VPS37A: variants seen among roughly 807,000 people sequenced by gnomAD.
VPS37A encodes vacuolar protein sorting-associated protein 37A.
Under a neutral mutation model 49.8 loss-of-function variants are expected in VPS37A, and 30 were observed. The observed-to-expected ratio is 0.60, with a 90% confidence interval of 0.45 to 0.82. VPS37A has a LOEUF of 0.82. Among genes scored for constraint, VPS37A ranks in the 40% least tolerant of loss-of-function variants. The probability of loss-of-function intolerance (pLI) is 0.00; values close to 1 mark genes in which losing one functional copy is unlikely to be tolerated. For synonymous variants in VPS37A, 195 were observed against 160.6 expected (o/e 1.21, Z -1.62); for missense variants, 593 against 464.4 (o/e 1.28, Z -2.55).
downstream of VPS37A, among the ~76,000 whole-genome samples, chr8:17,306,175 A>G (rs747358368): frequency 6.6e-6 from 1 of 152,214 alleles, no homozygotes; most frequent in Non-Finnish European, 1.5e-5. Context: ...CGTTCACGTT[A>G]TAGTTACAAA....
At chr8:17,313,173 G>A in the VPS37A span, 4 of 628,736 alleles carry the variant, frequency 6.4e-6, no homozygotes, top group Admixed American at 8.4e-5. Context: ...CTACAAAGCT[G>A]GCTATCCAGT....
At chr8:17,309,331 A>G in the VPS37A span, 1 of 1,546,738 alleles carries the variant, frequency 6.5e-7, no homozygotes. Flanking sequence ...TAATACCTAC[A>G]CAAGAAAGAA....
At chr8:17,299,255 A>C (rs1208666882), downstream of VPS37A, 1 of 152,278 alleles carries the variant, frequency 6.6e-6, no homozygotes, top group Non-Finnish European at 1.5e-5. Context: ...CTCAGAGAAA[A>C]GCAACAAAAT....
chr8:17,254,662 A>T (rs1812274381), intron 1 of VPS37A, among the ~76,000 whole-genome samples: 1 of 150,920 alleles, frequency 6.6e-6, no homozygotes, highest in African/African-American at 2.4e-5. Flanking sequence ...CTCCTTTCTT[A>T]CATGTAATCC....
chr8:17,289,670 T>A (rs117747577), intron 11 of VPS37A, among the ~76,000 whole-genome samples: 12,239 of 152,262 alleles, frequency 0.08, 669 homozygotes, highest in South Asian at 0.19. Context: ...TCGCTGAGGA[T>A]TGTCTTGGAT....
At position 17,264,579 on chromosome 8, in the gene VPS37A, T is replaced by G. The variant is rs182677969; in HGVS notation, c.126-1328T>G. Among the ~76,000 whole-genome samples, 93 of 152,366 alleles carry G rather than the reference T, an allele frequency of 6.1e-4. 2 individuals carry two copies. Among genetic ancestry groups the G allele is most frequent in the African/African-American group, 2.1e-3 (87 of 41,588 alleles). ...TTCTGTAACTCCATCCCAACACTTT[T>G]GAATCTTTTAAGCTATCTTAAGATT... On this transcript the variant is annotated intron_variant, in intron 1 of 11. Transcript: ENST00000324849.
chr8:17,307,917 T>G, the VPS37A span, among the ~76,000 whole-genome samples: 118 of 151,772 alleles, frequency 7.8e-4, 1 homozygote, highest in Middle Eastern at 3.4e-3. Context: ...GGGATAGCAT[T>G]AGGAGATATA....
rs569160257 is a variant in VPS37A, at chr8:17,254,311, A to G, written c.125+6942A>G. On this transcript the variant is annotated intron_variant, in intron 1 of 11. Transcript: ENST00000324849. ...GGGAGTCAGTAGCTGTCATGGGGTT[A>G]GTAACTTCCTGAGGAGTCTCCGCTA... Among the ~76,000 whole-genome samples the G allele has an allele frequency of 1.2e-4, 19 of 152,268 alleles. 1 individual carries two copies. Among genetic ancestry groups the G allele is most frequent in the East Asian group, 1.2e-3 (6 of 5,176 alleles).
intron 11 of VPS37A, among the ~76,000 whole-genome samples, chr8:17,288,771 C>T (rs1238311051): frequency 2.0e-5 from 3 of 152,156 alleles, no homozygotes; most frequent in South Asian, 2.1e-4. Flanking sequence ...ATTTCTAGTT[C>T]TAGATCCTTG....
chr8:17,302,209 A>G (rs117739013), downstream of VPS37A: 4,465 of 1,614,098 alleles, frequency 2.8e-3, 13 homozygotes, highest in Non-Finnish European at 3.3e-3. Flanking sequence ...CTTCACTGCC[A>G]TTAGGTAATC....
At chr8:17,324,660 C>A in the VPS37A span, among the ~76,000 whole-genome samples, 1 of 152,218 alleles carries the variant, frequency 6.6e-6, no homozygotes, top group Non-Finnish European at 1.5e-5. Context: ...TGAAGCCTAA[C>A]AGGCTGCTGG....
Position 17,274,683 on chromosome 8 carries a change from A to G in VPS37A, c.417-50A>G, listed in dbSNP as rs778896805. 12 of 1,454,860 alleles carry G rather than the reference A, an allele frequency of 8.2e-6. No homozygotes were observed. The South Asian group carries it at 8.4e-5, about 10-fold the overall frequency. The allele number at this position is 1,454,860 out of a possible 1,614,324, so 90.1% of individuals were successfully genotyped here. A position where few individuals can be genotyped will look rare whatever the true frequency, so the allele number is the denominator to read the frequency against. ...TAGAACAATTTAGAAACAATTTGAC[A>G]TGTTTTATCCATAAAATCTAATGTA... On this transcript the variant is annotated intron_variant, in intron 4 of 11. Coordinates refer to ENST00000324849, the MANE Select transcript of VPS37A (RefSeq NM_152415.3).
rs1475222563 is a variant in VPS37A, at chr8:17,247,910, C to CAGT, written c.125+542_125+544dup. 11 of 626,004 alleles carry CAGT rather than the reference C, an allele frequency of 1.8e-5. No homozygotes were observed. The East Asian group carries it at 3.0e-4, about 17-fold the overall frequency. 38.8% of individuals were successfully genotyped at this position (626,004 alleles called of 1,614,324 possible). ...GTCTCTAAGATTTACCCTGTTGGAG[C>CAGT]AGTCTCTCCCCATCTCACAGCGACC... On this transcript the variant is annotated intron_variant, in intron 1 of 11. Coordinates refer to ENST00000324849, the MANE Select transcript of VPS37A (RefSeq NM_152415.3).
At chr8:17,269,551 A>G (rs1813786283) in intron 4 of VPS37A, among the ~76,000 whole-genome samples, 1 of 152,104 alleles carries the variant, frequency 6.6e-6, no homozygotes, top group African/African-American at 2.4e-5. Context: ...CCTTTAAACC[A>G]TTTTTTTCAT....
At chr8:17,322,342 A>G in the VPS37A span, among the ~76,000 whole-genome samples, 1 of 152,208 alleles carries the variant, frequency 6.6e-6, no homozygotes, top group African/African-American at 2.4e-5. Flanking sequence ...CTATTTACCA[A>G]TGGCCTAAAG....
chr8:17,313,218 G>T, the VPS37A span: 3 of 1,091,542 alleles, frequency 2.7e-6, no homozygotes, highest in Non-Finnish European at 4.2e-6. Flanking sequence ...GAAGCCCATG[G>T]CAGAGGGATA....
the VPS37A span, among the ~76,000 whole-genome samples, chr8:17,329,565 C>G: frequency 2.0e-5 from 3 of 152,208 alleles, no homozygotes; most frequent in Admixed American, 2.0e-4. Flanking sequence ...TGTATGCTAT[C>G]AGCACTGGTA....
chr8:17,333,395 G>T, the VPS37A span, among the ~76,000 whole-genome samples: 1 of 152,162 alleles, frequency 6.6e-6, no homozygotes, highest in Non-Finnish European at 1.5e-5. Flanking sequence ...ATTTTTCAAA[G>T]ATGTTGGTTT....
the VPS37A span, among the ~76,000 whole-genome samples, chr8:17,326,879 T>C: frequency 6.6e-6 from 1 of 152,112 alleles, no homozygotes; most frequent in Non-Finnish European, 1.5e-5. Flanking sequence ...CATGAGATAA[T>C]AAATATCATT....
Sources: allele counts gnomAD v4.1 joint callset (sites outside exome capture counted in the v4.1 genomes callset), GRCh38; gene constraint gnomAD v4.1.1; transcripts MANE v1.5; gene names NCBI Gene and HGNC (gene_info 2026-07-23, HGNC 2026-07-21).